ATF7IP: variants seen among roughly 807,000 people sequenced by gnomAD.
ATF7IP encodes activating transcription factor 7-interacting protein 1.
Under a neutral mutation model 106.4 loss-of-function variants are expected in ATF7IP, and 23 were observed. That is an observed-to-expected ratio of 0.22 (90% CI 0.16 to 0.31). The LOEUF (loss-of-function observed/expected upper bound fraction) is 0.31, where lower values mean the gene tolerates loss of function less well. Ranked by LOEUF, ATF7IP falls within the 10% of genes least tolerant of loss-of-function variation. The pLI, the probability that ATF7IP is intolerant of heterozygous loss-of-function variation, is 1.00. For synonymous variants in ATF7IP, 542 were observed against 539.0 expected, an observed-to-expected ratio of 1.01 and a Z score of -0.08; for missense variants, 1,334 against 1,524.3, an observed-to-expected ratio of 0.88 and a Z score of 2.08.
chr12:14,381,628 GT>G (rs1413753495), intron 1 of ATF7IP, among the ~76,000 whole-genome samples: 3 of 152,162 alleles, frequency 2.0e-5, no homozygotes, highest in African/African-American at 7.2e-5. Flanking sequence ...GGGATTAGGT[GT>G]TTTTGGTTCA....
intron 1 of ATF7IP, among the ~76,000 whole-genome samples, chr12:14,384,689 T>G (rs969449293): frequency 6.6e-6 from 1 of 152,138 alleles, no homozygotes; most frequent in African/African-American, 2.4e-5. Flanking sequence ...GTTCAAAAAT[T>G]TAATTGTAGG....
At chr12:14,466,250 T>C (rs112442659) in intron 9 of ATF7IP, 2 of 297,692 alleles carry the variant, frequency 6.7e-6, no homozygotes, top group South Asian at 8.3e-5. Context: ...ATTTAAGTTA[T>C]GTGTATCTTA....
At chr12:14,492,800 G>A (rs34263906) in intron 13 of ATF7IP, among the ~76,000 whole-genome samples, 3,102 of 152,260 alleles carry the variant, frequency 0.02, 34 homozygotes, top group Middle Eastern at 0.031. Context: ...TATTTCCATT[G>A]TATTTAAATT....
intron 2 of ATF7IP, among the ~76,000 whole-genome samples, chr12:14,429,097 T>C (rs1942005015): frequency 6.6e-6 from 1 of 152,200 alleles, no homozygotes; most frequent in South Asian, 2.1e-4. Context: ...CAAGTTATAT[T>C]AACAAAGCTA....
At chr12:14,472,609 C>G (rs571954537) in intron 10 of ATF7IP, among the ~76,000 whole-genome samples, 1 of 152,274 alleles carries the variant, frequency 6.6e-6, no homozygotes, top group African/African-American at 2.4e-5. Context: ...TAACATTCAG[C>G]ACCACTCAGT....
intron 2 of ATF7IP, among the ~76,000 whole-genome samples, chr12:14,429,685 G>T (rs1015040870): frequency 2.0e-5 from 3 of 152,144 alleles, no homozygotes; most frequent in African/African-American, 7.2e-5. Flanking sequence ...GCATGATTTA[G>T]TCAATTTACT....
intron 1 of ATF7IP, chr12:14,367,335 A>G (rs1938348847): frequency 6.6e-6 from 1 of 152,276 alleles, no homozygotes; most frequent in South Asian, 2.1e-4. Context: ...ATGACGTCAC[A>G]TATGAGATAG....
At chr12:14,490,584 T>G (rs1351128257) in intron 13 of ATF7IP, among the ~76,000 whole-genome samples, 2 of 152,146 alleles carry the variant, frequency 1.3e-5, no homozygotes, top group Admixed American at 1.3e-4. Context: ...ACTGTAGTGC[T>G]GCAGCTGTGT....
rs566670630 is a variant in ATF7IP at position 14,377,603 on chromosome 12, G to A, written c.-8+11776G>A. 3.2e-4 allele frequency among the ~76,000 whole-genome samples: 49 copies of A among 150,926 alleles called. 1 individual carries two copies. The highest frequency in any genetic ancestry group is 2.2e-4 in the Non-Finnish European group (15 of 67,746). ...ATCTCCTGACCTCGTGAGCCACCGC[G>A]CCCGGCCTTTCTTTCTTTCTTTTTT... On this transcript the variant is annotated intron_variant, in intron 1 of 14. Coordinates refer to ENST00000261168, the MANE Select transcript of ATF7IP (RefSeq NM_018179.5).
Position 14,486,881 on chromosome 12 carries a change from A to T in ATF7IP, c.3280+5696A>T, listed in dbSNP as rs560888293. Among the ~76,000 whole-genome samples the T allele has an allele frequency of 1.0e-3, 158 of 152,270 alleles. 1 individual carries two copies. Among genetic ancestry groups the T allele is most frequent in the Admixed American group, 5.1e-3 (78 of 15,302 alleles). On this transcript the variant is annotated intron_variant, in intron 13 of 14. Transcript: ENST00000261168. ...AGACGAGCAATTAGAGGGCTCTTCA[A>T]AGATACAAGTGCTGCCCTCACAAAT...
At chr12:14,492,071 A>T (rs1944844712) in intron 13 of ATF7IP, among the ~76,000 whole-genome samples, 1 of 152,104 alleles carries the variant, frequency 6.6e-6, no homozygotes, top group Admixed American at 6.5e-5. Flanking sequence ...CCCTCACCTT[A>T]CCAGTCAAGG....
chr12:14,390,237 C>T (rs924193295), intron 1 of ATF7IP, among the ~76,000 whole-genome samples: 11 of 152,110 alleles, frequency 7.2e-5, no homozygotes, highest in African/African-American at 2.7e-4. Context: ...AAAATTTAGC[C>T]TACTTTACTT....
intron 1 of ATF7IP, among the ~76,000 whole-genome samples, chr12:14,386,493 A>G (rs1406885508): frequency 2.0e-5 from 3 of 152,146 alleles, no homozygotes; most frequent in African/African-American, 7.2e-5. Context: ...TAAGTTCTAA[A>G]CTTTCTGAGT....
rs908551873 is a variant in ATF7IP, at chr12:14,478,220, C to A, written c.2942-97C>A. 102 of 1,134,196 alleles carry A rather than the reference C, an allele frequency of 9.0e-5. 1 individual carries two copies. The highest frequency in any genetic ancestry group is 1.2e-4 in the Non-Finnish European group (89 of 769,976). 70.3% of individuals were successfully genotyped at this position (1,134,196 alleles called of 1,614,324 possible). Reference sequence around the variant, plus strand: ...TTCTCTTAGAGGTAAATGTGACACACAAGTGGCAAGCAAAAGTAAAATTTG... The same window carrying A: ...TTCTCTTAGAGGTAAATGTGACACAAAAGTGGCAAGCAAAAGTAAAATTTG... On this transcript the variant is annotated intron_variant, in intron 11 of 14. Transcript: ENST00000261168.
intron 1 of ATF7IP, among the ~76,000 whole-genome samples, chr12:14,402,886 C>G (rs1366817362): frequency 1.3e-5 from 2 of 152,198 alleles, no homozygotes; most frequent in African/African-American, 2.4e-5. Flanking sequence ...TCATGAGCCA[C>G]AGCTCCTGGC....
intron 5 of ATF7IP, among the ~76,000 whole-genome samples, chr12:14,441,881 A>G (rs1393869371): frequency 2.6e-5 from 4 of 152,158 alleles, no homozygotes; most frequent in African/African-American, 9.6e-5. Flanking sequence ...TAATTTGTCT[A>G]CAACTTCTTG....
At chr12:14,485,094 C>T (rs1944556884) in intron 13 of ATF7IP, among the ~76,000 whole-genome samples, 1 of 152,134 alleles carries the variant, frequency 6.6e-6, no homozygotes, top group South Asian at 2.1e-4. Flanking sequence ...CAGCATCCCT[C>T]TCTGCCCCTC....
chr12:14,432,743 A>G (rs1942202335), intron 2 of ATF7IP, among the ~76,000 whole-genome samples: 1 of 152,216 alleles, frequency 6.6e-6, no homozygotes, highest in African/African-American at 2.4e-5. Context: ...ATGTCTTATC[A>G]GAATCTTTAT....
In ATF7IP at chr12:14,424,558, G is replaced by A; in HGVS notation, c.643G>A (p.Val215Ile). Reference sequence around the variant, plus strand: ...TAGTGATCCCATCCCAGGTGAACCGGTCCCTGTTGAACCCATTTCTGGTGA... The same window carrying A: ...TAGTGATCCCATCCCAGGTGAACCGATCCCTGTTGAACCCATTTCTGGTGA... ...TSSDPIPGEP[V>I]PVEPISGDCA... is the part of the protein sequence containing the mutation. Residue 215 changes from valine to isoleucine, a missense_variant, in exon 2 of 15, where the codon GTC (valine) becomes ATC (isoleucine). Around this residue, in one of 10 missense-constraint regions of ATF7IP, gnomAD observed 438 missense variants for 405.3 expected, o/e 1.08. Coordinates refer to ENST00000261168, the MANE Select transcript of ATF7IP (RefSeq NM_018179.5). The A allele has an allele frequency of 6.2e-7, 1 of 1,614,134 alleles. No homozygotes were observed. Among genetic ancestry groups the A allele is most frequent in the Middle Eastern group, 1.7e-4 (1 of 6,060 alleles).
Sources: gnomAD v4.1 joint callset for allele counts (sites outside exome capture counted in the v4.1 genomes callset) on GRCh38, gnomAD v4.1.1 for gene constraint, gnomAD v4.1.1 regional missense constraint, MANE v1.5 for transcripts, NCBI Gene and HGNC (gene_info 2026-07-23, HGNC 2026-07-21) for gene names.